The following PCDH7 variants were observed in gnomAD, a reference collection of about 807,000 sequenced individuals.
PCDH7 encodes the protein protocadherin-7.
In PCDH7, 17 loss-of-function variants were observed where a neutral mutation model predicts 58.9. That is an observed-to-expected ratio of 0.29 (90% CI 0.20 to 0.43). PCDH7 has a LOEUF of 0.43. PCDH7 is among the 20% of genes least tolerant of loss of function. The pLI is 1.00. For synonymous variants in PCDH7, 664 were observed against 616.4 expected, an observed-to-expected ratio of 1.08 and a Z score of -1.14; for missense variants, 1,274 against 1,441.0, an observed-to-expected ratio of 0.88 and a Z score of 1.88.
At position 31,141,821 on chromosome 4, in the gene PCDH7, G is replaced by A. The variant is rs542683610; in HGVS notation, c.*8-652G>A. 1.4e-4 allele frequency among the ~76,000 whole-genome samples: 22 copies of A among 152,216 alleles called. No homozygotes were observed. In the East Asian group the frequency reaches 3.1e-3, roughly 21 times the overall value. ...ATTAGGTCATTTGGCATGGTAGGAG[G>A]GGGGTGAGGGGATGTGGGCTAGGGT... On this transcript the variant is annotated intron_variant, in intron 3 of 3. Coordinates refer to the PCDH7 transcript ENST00000509759.
At position 30,958,994 on chromosome 4, in the gene PCDH7, G is replaced by A. The variant is rs1375626584; in HGVS notation, c.*7+8779G>A. 2.0e-5 allele frequency among the ~76,000 whole-genome samples: 3 copies of A among 152,148 alleles called. No homozygotes were observed. In the East Asian group the frequency reaches 5.8e-4, roughly 29 times the overall value. ...CCAGCTTGTCTTTTCAATAGTGTGAGGCTCAAAGCACCAGATTAGCAAAAT... is the reference window on the plus strand; with the variant it reads ...CCAGCTTGTCTTTTCAATAGTGTGAAGCTCAAAGCACCAGATTAGCAAAAT... On this transcript the variant is annotated intron_variant, in intron 3 of 3. Coordinates refer to the PCDH7 transcript ENST00000509759.
intron 3 of PCDH7, among the ~76,000 whole-genome samples, chr4:30,962,092 T>C (rs1270339666): frequency 6.6e-6 from 1 of 152,212 alleles, no homozygotes; most frequent in Non-Finnish European, 1.5e-5. Context: ...AGACTCCAGT[T>C]GAGCAAAAGT....
At chr4:30,871,445 G>T (rs969431843) in intron 1 of PCDH7, among the ~76,000 whole-genome samples, 1 of 151,992 alleles carries the variant, frequency 6.6e-6, no homozygotes, top group African/African-American at 2.4e-5. Context: ...TGCCCATTTT[G>T]CTTCCAATAA....
At chr4:30,943,784 A>G (rs1209105307) in intron 2 of PCDH7, among the ~76,000 whole-genome samples, 2 of 151,696 alleles carry the variant, frequency 1.3e-5, no homozygotes, top group Non-Finnish European at 2.9e-5. Flanking sequence ...GTGTGGCCCA[A>G]GACAATTTTT....
At chr4:30,943,937 A>C (rs1248202564) in intron 2 of PCDH7, among the ~76,000 whole-genome samples, 1 of 152,006 alleles carries the variant, frequency 6.6e-6, no homozygotes, top group Non-Finnish European at 1.5e-5. Context: ...AGCATATGTC[A>C]TATTAGGGTC....
chr4:31,118,709 T>A (rs1717290181), intron 3 of PCDH7, among the ~76,000 whole-genome samples: 1 of 152,164 alleles, frequency 6.6e-6, no homozygotes, highest in Non-Finnish European at 1.5e-5. Context: ...GATGAAGACC[T>A]TCTAACCAAT....
chr4:30,969,747 A>G (rs1458087438), intron 3 of PCDH7, among the ~76,000 whole-genome samples: 2 of 152,212 alleles, frequency 1.3e-5, no homozygotes, highest in African/African-American at 2.4e-5. Flanking sequence ...GTATCTATGT[A>G]AATGGAACAA....
intron 3 of PCDH7, among the ~76,000 whole-genome samples, chr4:31,063,537 G>A (rs1489478888): frequency 6.6e-6 from 1 of 151,610 alleles, no homozygotes; most frequent in East Asian, 1.9e-4. Context: ...AATGGGAAAT[G>A]TATTATTTTC....
At chr4:30,991,684 G>A (rs1268896804) in intron 3 of PCDH7, among the ~76,000 whole-genome samples, 4 of 152,006 alleles carry the variant, frequency 2.6e-5, no homozygotes, top group Admixed American at 6.6e-5. Context: ...ACTGGTCATC[G>A]TTCTTTTGGA....
chr4:31,125,544 T>C (rs573929351), intron 3 of PCDH7, among the ~76,000 whole-genome samples: 3 of 152,248 alleles, frequency 2.0e-5, no homozygotes, highest in African/African-American at 2.4e-5. Flanking sequence ...TTTATGATAG[T>C]GTGCAAGTGA....
intron 3 of PCDH7, among the ~76,000 whole-genome samples, chr4:31,137,298 C>A (rs1178847138): frequency 6.6e-6 from 1 of 152,170 alleles, no homozygotes; most frequent in Non-Finnish European, 1.5e-5. Context: ...GAAAGAAATA[C>A]CAGGCCGGGA....
chr4:30,779,003 GTTTTTTTTT>G lies in PCDH7; in HGVS notation c.70+54427_70+54435del, dbSNP rs386399674. The stretch of plus-strand genomic sequence containing the variant: ...TGATTCCAAATGGCCTCCTTACTCC[GTTTTTTTTT>G]TTTTTTTTTTTTTTTTTTTAAATGG... On this transcript the variant is annotated intron_variant, in intron 1 of 3. Coordinates refer to the PCDH7 transcript ENST00000509759. 5.5e-4 allele frequency among the ~76,000 whole-genome samples: 40 copies of G among 73,008 alleles called. 1 individual carries two copies. The highest frequency in any genetic ancestry group is 1.9e-3 in the African/African-American group (34 of 17,652). 47.9% of individuals were successfully genotyped at this position (73,008 alleles called of 152,430 possible).
intron 3 of PCDH7, among the ~76,000 whole-genome samples, chr4:30,993,926 T>C (rs1751667013): frequency 1.3e-5 from 2 of 152,162 alleles, no homozygotes; most frequent in Middle Eastern, 6.8e-3. Context: ...CCCCAAAATG[T>C]GTAAGTCTGG....
intron 1 of PCDH7, among the ~76,000 whole-genome samples, chr4:30,761,781 A>G (rs1720062399): frequency 6.6e-6 from 1 of 152,238 alleles, no homozygotes; most frequent in African/African-American, 2.4e-5. Context: ...AGTTCTTAAA[A>G]TGAATAATAT....
chr4:30,740,374 CA>C (rs1209676599), intron 1 of PCDH7, among the ~76,000 whole-genome samples: 1 of 152,102 alleles, frequency 6.6e-6, no homozygotes, highest in Non-Finnish European at 1.5e-5. Context: ...TTACCTTATG[CA>C]AAACAAAAGA....
At chr4:30,945,314 C>T (rs190734392) in intron 2 of PCDH7, among the ~76,000 whole-genome samples, 14 of 152,042 alleles carry the variant, frequency 9.2e-5, no homozygotes, top group Non-Finnish European at 2.9e-5. Flanking sequence ...CTTAGATTTA[C>T]ACCTAATTTT....
At chr4:30,725,270 C>G in intron 1 of PCDH7, 1 of 986,608 alleles carries the variant, frequency 1.0e-6, no homozygotes. Flanking sequence ...ATGCAATTAC[C>G]ATTTGCATTC....
At chr4:30,786,652 A>G (rs1723435258) in intron 1 of PCDH7, 2 of 402,934 alleles carry the variant, frequency 5.0e-6, no homozygotes, top group Non-Finnish European at 3.4e-6. Context: ...TGTGCAGTCC[A>G]AGCTTTGGAA....
intron 1 of PCDH7, among the ~76,000 whole-genome samples, chr4:30,875,867 G>A (rs866765599): frequency 1.3e-5 from 2 of 152,078 alleles, no homozygotes; most frequent in South Asian, 2.1e-4. Context: ...CTCGACATTA[G>A]GCTATTAATT....
Sources: gnomAD v4.1 joint callset for allele counts (sites outside exome capture counted in the v4.1 genomes callset) on GRCh38, gnomAD v4.1.1 for gene constraint, MANE v1.5 for transcripts, NCBI Gene and HGNC (gene_info 2026-07-23, HGNC 2026-07-21) for gene names.